Variants in GAB1 observed in about 807,000 individuals in gnomAD.
GAB1 encodes GRB2 associated binding protein 1.
In GAB1, 19 loss-of-function variants were observed where a neutral mutation model predicts 66.5. The ratio of observed to expected loss-of-function variants is 0.29; its 90% CI spans 0.20 to 0.42. GAB1 has a LOEUF of 0.42. Ranked by LOEUF, GAB1 falls within the 10% of genes least tolerant of loss-of-function variation. The pLI is 1.00. For synonymous variants in GAB1, 294 were observed against 301.4 expected (o/e 0.98, Z 0.25); for missense variants, 732 against 858.5 (o/e 0.85, Z 1.84).
intron 2 of GAB1, among the ~76,000 whole-genome samples, chr4:143,428,177 C>T (rs1194253849): frequency 6.6e-6 from 1 of 152,216 alleles, no homozygotes; most frequent in Non-Finnish European, 1.5e-5. Flanking sequence ...GTCACACTCA[C>T]CTGAGCTGTG....
intron 1 of GAB1, among the ~76,000 whole-genome samples, chr4:143,367,972 G>A (rs986432649): frequency 2.6e-5 from 4 of 151,856 alleles, no homozygotes; most frequent in South Asian, 2.1e-4. Context: ...CAGTCCATCC[G>A]CCTCAGCCTC....
chr4:143,337,195 G>C lies in GAB1; in HGVS notation c.7G>C (p.Gly3Arg), dbSNP rs1267198908. 1.3e-6 allele frequency: 2 copies of C among 1,580,436 alleles called. No homozygotes were observed. Among genetic ancestry groups the C allele is most frequent in the South Asian group, 2.3e-5 (2 of 86,460 alleles). ...AGCCCGAGACGCGCGCACCATGAGC[G>C]GTGGTGAAGTGGTCTGCTCCGGATG... MSGGEVVCSGWLR... is the reference protein window; with the variant it reads MSRGEVVCSGWLR... The change falls in exon 1 of 10, where the codon GGT becomes CGT. Residue 3 changes from glycine to arginine, a missense_variant. Physicochemically the swap from Gly to Arg is moderately radical, Grantham distance 125. Coordinates refer to ENST00000262994, the MANE Select transcript of GAB1 (RefSeq NM_002039.4).
At chr4:143,365,079 G>A (rs1041402538) in intron 1 of GAB1, among the ~76,000 whole-genome samples, 17 of 151,250 alleles carry the variant, frequency 1.1e-4, no homozygotes, top group African/African-American at 1.5e-4. Context: ...GGGTTTCACC[G>A]TGTTAGCCAA....
chr4:143,372,869 T>G (rs1730194939), intron 1 of GAB1, among the ~76,000 whole-genome samples: 1 of 152,208 alleles, frequency 6.6e-6, no homozygotes, highest in Admixed American at 6.5e-5. Context: ...TCTATACTCT[T>G]TAACTGTCCT....
chr4:143,337,410 C>T (rs1169011609), intron 1 of GAB1, 150 bp downstream of exon 1: 8 of 686,166 alleles, frequency 1.2e-5, no homozygotes, highest in East Asian at 2.8e-5. Context: ...CTGGCGGGCT[C>T]GGGACAGGGT....
At chr4:143,381,070 C>G (rs1231110268) in intron 1 of GAB1, among the ~76,000 whole-genome samples, 1 of 152,172 alleles carries the variant, frequency 6.6e-6, no homozygotes, top group African/African-American at 2.4e-5. Flanking sequence ...GGGGATCAAC[C>G]TGTGACTGAG....
chr4:143,348,911 C>CA (rs1244226302), intron 1 of GAB1, among the ~76,000 whole-genome samples: 16 of 152,194 alleles, frequency 1.1e-4, no homozygotes, highest in Admixed American at 2.6e-4. Context: ...GAGTCCTTGA[C>CA]ACTCTCTTTT....
chr4:143,374,153 C>T (rs1730313769), intron 1 of GAB1, among the ~76,000 whole-genome samples: 1 of 151,890 alleles, frequency 6.6e-6, no homozygotes, highest in Non-Finnish European at 1.5e-5. Context: ...ATATGTATAA[C>T]ATCTTGACTC....
chr4:143,361,146 T>C (rs1375935556), intron 1 of GAB1, among the ~76,000 whole-genome samples: 1 of 152,104 alleles, frequency 6.6e-6, no homozygotes, highest in African/African-American at 2.4e-5. Context: ...GGATTTCTTT[T>C]GCAATACGCA....
At chr4:143,438,975 C>T (rs1211230839) in intron 4 of GAB1, among the ~76,000 whole-genome samples, 1 of 152,120 alleles carries the variant, frequency 6.6e-6, no homozygotes, top group Non-Finnish European at 1.5e-5. Context: ...CCATTATGGC[C>T]GCTTCTAAGT....
intron 6 of GAB1, among the ~76,000 whole-genome samples, chr4:143,445,258 G>A (rs1003736603): frequency 1.9e-4 from 29 of 152,024 alleles, no homozygotes; most frequent in African/African-American, 7.0e-4. Flanking sequence ...AGCATCTGTT[G>A]TTTTTTGACT....
rs1578679785 is a variant in GAB1, at chr4:143,415,360, C to T, written c.73-117C>T. The T allele has an allele frequency of 3.8e-6, 3 of 796,346 alleles. No individual in the cohort carries two copies. The East Asian group carries it at 8.0e-5, about 21-fold the overall frequency. The allele number at this position is 796,346 out of a possible 1,614,324, so 49.3% of individuals were successfully genotyped here. A position where few individuals can be genotyped will look rare whatever the true frequency, so the allele number is the denominator to read the frequency against. On this transcript the variant is annotated intron_variant, in intron 1 of 9. Coordinates refer to ENST00000262994, the MANE Select transcript of GAB1 (RefSeq NM_002039.4). Reference sequence around the variant, plus strand: ...TGGTAAAAACACACACACAAACACACACATATTGTGACTTTCTCTAAACAA... The same window carrying T: ...TGGTAAAAACACACACACAAACACATACATATTGTGACTTTCTCTAAACAA...
chr4:143,366,800 TTG>T (rs1175418469), intron 1 of GAB1, among the ~76,000 whole-genome samples: 4 of 152,110 alleles, frequency 2.6e-5, no homozygotes, highest in Admixed American at 2.6e-4. Context: ...AATTTTCAAT[TTG>T]AAAAAATTGA....
At chr4:143,344,095 G>A (rs1221485914) in intron 1 of GAB1, among the ~76,000 whole-genome samples, 1 of 152,204 alleles carries the variant, frequency 6.6e-6, no homozygotes, top group African/African-American at 2.4e-5. Flanking sequence ...ATTCTGGCAA[G>A]CAGTTAGTTT....
Position 143,466,191 on chromosome 4 carries a change from A to T in GAB1, c.1892A>T (p.Asp631Val). 3 of 1,613,860 alleles carry T rather than the reference A, an allele frequency of 1.9e-6. No homozygotes were observed. Among genetic ancestry groups the T allele is most frequent in the Non-Finnish European group, 2.5e-6 (3 of 1,179,822 alleles). ...GDKQVEYLDL[D>V]LDSGKSTPPR... ...AAACAGGTGGAATACTTAGATCTCGACTTAGATTCTGGGAAATCCACACCA... is the reference window on the plus strand; with the variant it reads ...AAACAGGTGGAATACTTAGATCTCGTCTTAGATTCTGGGAAATCCACACCA... Residue 631 changes from aspartate (D) to valine (V), a missense_variant, in exon 9 of 10, where the codon GAC becomes GTC. Asp to Val is a radical substitution (Grantham distance 152). Around this residue, in one of 4 missense-constraint regions of GAB1, gnomAD observed 204 missense variants for 276.8 expected, o/e 0.74. Coordinates refer to ENST00000262994, the MANE Select transcript of GAB1 (RefSeq NM_002039.4).
chr4:143,447,033 A>G (rs1578730987), intron 6 of GAB1, among the ~76,000 whole-genome samples: 1 of 152,058 alleles, frequency 6.6e-6, no homozygotes, highest in African/African-American at 2.4e-5. Context: ...TTTTCCCAGC[A>G]CCATTTATTA....
At position 143,342,543 on chromosome 4, in the gene GAB1, C is replaced by CTT. The variant is rs5862632; in HGVS notation, c.72+5309_72+5310dup. Among the ~76,000 whole-genome samples, 198 of 62,504 alleles carry CTT rather than the reference C, an allele frequency of 3.2e-3. 25 individuals carry two copies. Among genetic ancestry groups the CTT allele is most frequent in the Non-Finnish European group, 3.7e-3 (129 of 34,542 alleles). The allele number at this position is 62,504 out of a possible 152,430, so 41.0% of individuals were successfully genotyped here. ...GAGAAAGTTTCAGAGGTGATAGATT[C>CTT]TTTTTTTTTTTTTTTTTTTTTTTTT... On this transcript the variant is annotated intron_variant, in intron 1 of 9. Transcript: ENST00000262994.
At chr4:143,459,104 T>C (rs894013593) in intron 6 of GAB1, among the ~76,000 whole-genome samples, 2 of 152,116 alleles carry the variant, frequency 1.3e-5, no homozygotes, top group Non-Finnish European at 2.9e-5. Context: ...TCTCATTTAG[T>C]TTATATTCAT....
intron 1 of GAB1, among the ~76,000 whole-genome samples, chr4:143,340,260 G>A (rs528934555): frequency 2.0e-5 from 3 of 152,262 alleles, no homozygotes; most frequent in Middle Eastern, 3.4e-3. Context: ...TGGCCACCCA[G>A]TAGGCAAAAT....
Sources: gnomAD v4.1 joint callset for allele counts (sites outside exome capture counted in the v4.1 genomes callset) on GRCh38, gnomAD v4.1.1 for gene constraint, gnomAD v4.1.1 regional missense constraint, MANE v1.5 for transcripts, NCBI Gene and HGNC (gene_info 2026-07-23, HGNC 2026-07-21) for gene names.